The following RPL39L variants were observed in gnomAD, a reference collection of about 807,000 sequenced individuals.
RPL39L encodes the protein ribosomal protein eL39-like 2.
For synonymous variants in RPL39L, 16 were observed against 20.1 expected (o/e 0.80, Z 0.55); for missense variants, 48 against 58.9 (o/e 0.81, Z 0.61).
At chr3:187,129,412 A>G (rs1720450672) in intron 1 of RPL39L, among the ~76,000 whole-genome samples, 1 of 152,202 alleles carries the variant, frequency 6.6e-6, no homozygotes, top group Non-Finnish European at 1.5e-5. Flanking sequence ...TTCGATTTAG[A>G]AAGTAATAAT....
chr3:187,137,821 CAA>C (rs36040788), intron 1 of RPL39L, among the ~76,000 whole-genome samples: 4,685 of 115,636 alleles, frequency 0.041, 201 homozygotes, highest in African/African-American at 0.099. Flanking sequence ...TACTCCGTCT[CAA>C]AAAAAAAAAA....
Position 187,121,183 on chromosome 3 carries a change from T to C in RPL39L, c.118A>G (p.Lys40Glu), listed in dbSNP as rs1206666059. 6.2e-7 allele frequency: 1 copy of C among 1,613,952 alleles called. No individual in the cohort carries two copies. Among genetic ancestry groups the C allele is most frequent in the Non-Finnish European group, 8.5e-7 (1 of 1,179,860 alleles). The change falls in exon 3 of 3, where the codon AAA becomes GAA. Residue 40 changes from lysine (K) to glutamate (E), a missense_variant. Lys to Glu is a moderately conservative substitution (Grantham distance 56). Transcript: ENST00000296277. ...KPGSKIRYNSKRRHWRRTKLG... is the reference protein window; with the variant it reads ...KPGSKIRYNSERRHWRRTKLG... ...TTGGTTCTTCTCCAATGCCTCCTTTTGGAGTTGTACCTGATTTTACTACCA... is the reference window on the plus strand; with the variant it reads ...TTGGTTCTTCTCCAATGCCTCCTTTCGGAGTTGTACCTGATTTTACTACCA...
intron 1 of RPL39L, among the ~76,000 whole-genome samples, chr3:187,136,996 T>G (rs535413690): frequency 2.0e-5 from 3 of 150,926 alleles, no homozygotes; most frequent in Non-Finnish European, 4.4e-5. Context: ...ACTCAGGAGT[T>G]TGAGATCAGC....
intron 1 of RPL39L, among the ~76,000 whole-genome samples, chr3:187,136,249 G>A (rs1444554917): frequency 6.6e-6 from 1 of 152,352 alleles, no homozygotes; most frequent in Admixed American, 6.5e-5. Context: ...TTTTAAAGTG[G>A]TGTGACTGAC....
chr3:187,135,026 G>GTAATT (rs1720550329), intron 1 of RPL39L, among the ~76,000 whole-genome samples: 1 of 152,248 alleles, frequency 6.6e-6, no homozygotes, highest in South Asian at 2.1e-4. Flanking sequence ...ATTTGAGCCA[G>GTAATT]TGGTAGACAT....
intron 1 of RPL39L, among the ~76,000 whole-genome samples, chr3:187,138,245 G>A (rs1457758889): frequency 1.3e-5 from 2 of 152,262 alleles, no homozygotes; most frequent in African/African-American, 4.8e-5. Context: ...GCGGGGAGGG[G>A]AGGCGGGTGC....
chr3:187,137,502 T>TC (rs906612309), intron 1 of RPL39L, among the ~76,000 whole-genome samples: 7 of 151,516 alleles, frequency 4.6e-5, no homozygotes, highest in African/African-American at 1.7e-4. Flanking sequence ...AGAGTAAGAC[T>TC]CCGTCTTCAA....
intron 2 of RPL39L, among the ~76,000 whole-genome samples, chr3:187,125,756 A>C (rs1720385775): frequency 6.6e-6 from 1 of 152,178 alleles, no homozygotes; most frequent in Admixed American, 6.5e-5. Flanking sequence ...TCTGGTTGAC[A>C]TCAACTGTAA....
intron 1 of RPL39L, among the ~76,000 whole-genome samples, chr3:187,128,555 G>T (rs953756196): frequency 6.6e-6 from 1 of 152,092 alleles, no homozygotes; most frequent in African/African-American, 2.4e-5. Flanking sequence ...TGTTGTCCAT[G>T]CTGGAGCAGA....
At chr3:187,129,960 C>T (rs764678484) in intron 1 of RPL39L, among the ~76,000 whole-genome samples, 39 of 151,714 alleles carry the variant, frequency 2.6e-4, no homozygotes, top group Non-Finnish European at 4.9e-4. Context: ...ATAGAGAGGA[C>T]ATTAGTGATT....
chr3:187,123,850 T>G (rs1720353484), intron 2 of RPL39L, among the ~76,000 whole-genome samples: 2 of 152,256 alleles, frequency 1.3e-5, no homozygotes, highest in African/African-American at 4.8e-5. Context: ...GGAGACACTT[T>G]GGGCTAGAAG....
chr3:187,129,346 C>T (rs190153117), intron 1 of RPL39L, among the ~76,000 whole-genome samples: 2 of 152,326 alleles, frequency 1.3e-5, no homozygotes, highest in Admixed American at 1.3e-4. Context: ...CCTCTGTGTC[C>T]TTTACTCATA....
intron 1 of RPL39L, among the ~76,000 whole-genome samples, chr3:187,128,633 C>T (rs915395306): frequency 1.3e-5 from 2 of 152,172 alleles, no homozygotes; most frequent in African/African-American, 4.8e-5. Flanking sequence ...CCTCAGTCTC[C>T]TGAATAGCTG....
intron 2 of RPL39L, among the ~76,000 whole-genome samples, chr3:187,123,700 C>T (rs1212263327): frequency 6.6e-6 from 1 of 152,194 alleles, no homozygotes; most frequent in Non-Finnish European, 1.5e-5. Flanking sequence ...GGTTAGGGTT[C>T]TTGAAGCCAA....
intron 2 of RPL39L, among the ~76,000 whole-genome samples, chr3:187,126,153 T>G (rs1720393637): frequency 6.6e-6 from 1 of 151,652 alleles, no homozygotes; most frequent in African/African-American, 2.4e-5. Context: ...AATATAAACA[T>G]CTATTGGTTT....
chr3:187,130,931 C>T (rs1720474592), intron 1 of RPL39L, among the ~76,000 whole-genome samples: 1 of 152,134 alleles, frequency 6.6e-6, no homozygotes. Flanking sequence ...ATCAGATGGG[C>T]ACAACTGTCT....
At position 187,133,372 on chromosome 3, in the gene RPL39L, C is replaced by G. The variant is rs114745839; in HGVS notation, c.-92-5310G>C. ...ATCTGATGGTTTAAAAGTGGCACTT[C>G]CCCCTTCACTCTCTTTCCTGCCACC... On this transcript the variant is annotated intron_variant, in intron 1 of 2. Transcript: ENST00000296277. 5.8e-3 allele frequency among the ~76,000 whole-genome samples: 876 copies of G among 152,188 alleles called. 16 individuals carry two copies. The highest frequency in any genetic ancestry group is 0.053 in the East Asian group (272 of 5,168).
chr3:187,127,643 G>A (rs367993782), intron 2 of RPL39L, among the ~76,000 whole-genome samples: 2 of 152,134 alleles, frequency 1.3e-5, no homozygotes, highest in South Asian at 2.1e-4. Flanking sequence ...ATGCCATGGC[G>A]TAAATCCTGT....
chr3:187,131,824 C>T (rs967617606), intron 1 of RPL39L, among the ~76,000 whole-genome samples: 2 of 152,140 alleles, frequency 1.3e-5, no homozygotes, highest in Admixed American at 6.5e-5. Flanking sequence ...ATTTTTATAT[C>T]TACAGCTGTA....
Sources: allele counts gnomAD v4.1 joint callset (sites outside exome capture counted in the v4.1 genomes callset), GRCh38; gene constraint gnomAD v4.1.1; transcripts MANE v1.5; gene names NCBI Gene and HGNC (gene_info 2026-07-23, HGNC 2026-07-21).